LATS2: variants seen among roughly 807,000 people sequenced by gnomAD.
LATS2 encodes the protein serine/threonine-protein kinase LATS2.
Under a neutral mutation model 76.0 loss-of-function variants are expected in LATS2, and 24 were observed. The ratio of observed to expected loss-of-function variants is 0.32; its 90% CI spans 0.23 to 0.44. The LOEUF is 0.44. Among genes scored for constraint, LATS2 ranks in the 20% least tolerant of loss-of-function variants. The pLI is 1.00. For synonymous variants in LATS2, 692 were observed against 635.4 expected, an observed-to-expected ratio of 1.09 and a Z score of -1.34; for missense variants, 1,286 against 1,481.2, an observed-to-expected ratio of 0.87 and a Z score of 2.16.
intron 2 of LATS2, among the ~76,000 whole-genome samples, chr13:20,994,908 A>G (rs1377647741): frequency 1.3e-5 from 2 of 152,182 alleles, no homozygotes; most frequent in Admixed American, 1.3e-4. Flanking sequence ...TATAAAGATC[A>G]TCATTTAAGG....
At chr13:20,981,441 G>T (rs1869875941) in intron 6 of LATS2, 25 bp downstream of exon 6, 1 of 1,600,024 alleles carries the variant, frequency 6.2e-7, no homozygotes, top group Admixed American at 1.7e-5. Context: ...ACCTCCTGCG[G>T]GGTGGCTGGC....
At chr13:21,021,103 A>G (rs1247902177) in intron 2 of LATS2, among the ~76,000 whole-genome samples, 1 of 152,222 alleles carries the variant, frequency 6.6e-6, no homozygotes, top group East Asian at 1.9e-4. Flanking sequence ...GGTCACTGTC[A>G]AAACTGGTCA....
At chr13:21,003,457 T>C (rs1457958410) in intron 2 of LATS2, among the ~76,000 whole-genome samples, 1 of 143,148 alleles carries the variant, frequency 7.0e-6, no homozygotes, top group Admixed American at 6.9e-5. Context: ...TTTTTTTTTT[T>C]AAAGACAGAG....
intron 2 of LATS2, among the ~76,000 whole-genome samples, chr13:21,041,986 T>C (rs1872895255): frequency 6.6e-6 from 1 of 152,184 alleles, no homozygotes; most frequent in South Asian, 2.1e-4. Context: ...CAGAAATATT[T>C]TGCATATTTA....
chr13:21,008,042 A>T (rs1293439250), intron 2 of LATS2, among the ~76,000 whole-genome samples: 1 of 151,846 alleles, frequency 6.6e-6, no homozygotes, highest in East Asian at 1.9e-4. Flanking sequence ...CACAGGCGTG[A>T]GCCACCGTAC....
intron 1 of LATS2, among the ~76,000 whole-genome samples, chr13:21,047,594 A>C (rs1873118123): frequency 2.0e-5 from 3 of 152,192 alleles, no homozygotes; most frequent in Admixed American, 2.0e-4. Context: ...TGATCCAAAA[A>C]GAGTACCCTC....
In LATS2 at chr13:21,046,176, T is replaced by G. The variant is rs1873070485; in HGVS notation, c.-150A>C. ...ATGTTCTTTCCTTCCATTTTTGTAGTTCCTATAGAGAACCTAAAATTTTCC... is the reference window on the plus strand; with the variant it reads ...ATGTTCTTTCCTTCCATTTTTGTAGGTCCTATAGAGAACCTAAAATTTTCC... On this transcript the variant is annotated 5_prime_UTR_variant, in exon 2 of 8. Coordinates refer to ENST00000382592, the MANE Select transcript of LATS2 (RefSeq NM_014572.3). The G allele has an allele frequency of 3.2e-6, 2 of 627,594 alleles. No homozygotes were observed. The highest frequency in any genetic ancestry group is 3.3e-5 in the Admixed American group (1 of 30,230). 38.9% of individuals were successfully genotyped at this position (627,594 alleles called of 1,614,324 possible).
At chr13:21,036,853 AG>A (rs1167058300) in intron 2 of LATS2, among the ~76,000 whole-genome samples, 1 of 152,238 alleles carries the variant, frequency 6.6e-6, no homozygotes, top group East Asian at 1.9e-4. Context: ...TTTTAGTAGT[AG>A]TAGTGATAAT....
In LATS2 at chr13:20,988,225, G is replaced by A. The variant is rs1870265422; in HGVS notation, c.1555C>T (p.Pro519Ser). 17 of 1,608,318 alleles carry A rather than the reference G, an allele frequency of 1.1e-5. No homozygotes were observed. Among genetic ancestry groups the A allele is most frequent in the Non-Finnish European group, 1.4e-5 (16 of 1,179,376 alleles). Reference protein sequence around the residue: ...PDRRCPPPPYPKHLLLRSKSE... With the variant: ...PDRRCPPPPYSKHLLLRSKSE... ...TTGCTGCGCAGCAGCAGGTGCTTCG[G>A]GTAGGGCGGAGGCGGGCACCTCCGG... The change falls in exon 4 of 8, where the codon CCG becomes TCG. Residue 519 changes from proline to serine, a missense_variant. Pro to Ser is a moderately conservative substitution (Grantham distance 74). Coordinates refer to ENST00000382592, the MANE Select transcript of LATS2 (RefSeq NM_014572.3).
At position 20,988,931 on chromosome 13, in the gene LATS2, G is replaced by T. The variant is rs541177303; in HGVS notation, c.849C>A (p.Thr283=). 58 of 1,524,036 alleles carry T rather than the reference G, an allele frequency of 3.8e-5. No individual in the cohort carries two copies. The African/African-American group carries it at 6.7e-4, about 18-fold the overall frequency. The allele number at this position is 1,524,036 out of a possible 1,614,324, so 94.4% of individuals were successfully genotyped here. ...PSFQSKTPPE[T]GGYASLPTKG... ...TCGTGGGCAGGCTGGCGTAACCCCCGGTCTCCGGCGGCGTCTTGCTCTGGA... is the reference window on the plus strand; with the variant it reads ...TCGTGGGCAGGCTGGCGTAACCCCCTGTCTCCGGCGGCGTCTTGCTCTGGA... Residue 283 remains threonine, a synonymous_variant, in exon 4 of 8, where the codon ACC becomes ACA. Coordinates refer to ENST00000382592, the MANE Select transcript of LATS2 (RefSeq NM_014572.3).
intron 1 of LATS2, among the ~76,000 whole-genome samples, chr13:21,052,898 C>T (rs1343248091): frequency 6.6e-6 from 1 of 152,146 alleles, no homozygotes; most frequent in Non-Finnish European, 1.5e-5. Context: ...GGCACCGATG[C>T]TTCCTGTCCT....
intron 2 of LATS2, among the ~76,000 whole-genome samples, chr13:21,040,241 G>A (rs967109171): frequency 1.3e-5 from 2 of 151,966 alleles, no homozygotes; most frequent in African/African-American, 4.8e-5. Flanking sequence ...AGAAAAATTA[G>A]CCAGACATGG....
chr13:20,997,412 C>CT (rs1870803400), intron 2 of LATS2, among the ~76,000 whole-genome samples: 1 of 152,216 alleles, frequency 6.6e-6, no homozygotes. Context: ...AAAAGAGGCA[C>CT]TTTAACAAAA....
chr13:20,995,155 A>G (rs986166595), intron 2 of LATS2, among the ~76,000 whole-genome samples: 2 of 152,222 alleles, frequency 1.3e-5, no homozygotes, highest in Admixed American at 6.5e-5. Flanking sequence ...CATCAGCATC[A>G]CTTAAGGGTT....
intron 3 of LATS2, among the ~76,000 whole-genome samples, chr13:20,990,461 ATTTTTTTTTTTT>A (rs35074574): frequency 1.1e-5 from 1 of 94,534 alleles, no homozygotes; most frequent in African/African-American, 4.1e-5. Context: ...AATTACTAGG[ATTTTTTTTTTTT>A]TTTTTTTTTT....
chr13:21,060,743 G>T (rs1051409650), intron 1 of LATS2, among the ~76,000 whole-genome samples: 2 of 151,476 alleles, frequency 1.3e-5, no homozygotes, highest in East Asian at 1.9e-4. Context: ...GCGGGACGAC[G>T]GGGCGGCCGG....
chr13:20,973,894 C>G lies in LATS2; in HGVS notation c.*976G>C, dbSNP rs550580964. On this transcript the variant is annotated 3_prime_UTR_variant, in exon 8 of 8. Coordinates refer to ENST00000382592, the MANE Select transcript of LATS2 (RefSeq NM_014572.3). ...CGGACTACAGAAACGGACATGTGTCCGTGATTAAACTTTTTGGCATCGCTG... is the reference window on the plus strand; with the variant it reads ...CGGACTACAGAAACGGACATGTGTCGGTGATTAAACTTTTTGGCATCGCTG... 4.5e-6 allele frequency: 1 copy of G among 221,972 alleles called. No individual in the cohort carries two copies. 13.8% of individuals were successfully genotyped at this position (221,972 alleles called of 1,614,324 possible).
rs115615162 is a variant in LATS2 at position 20,988,622 on chromosome 13, C to T, written c.1158G>A (p.Leu386=). 1,217 of 1,588,842 alleles carry T rather than the reference C, an allele frequency of 7.7e-4. 12 individuals are homozygous for T. The African/African-American group carries it at 0.015, about 19-fold the overall frequency. The change falls in exon 4 of 8, where the codon CTG becomes CTA. Residue 386 remains leucine (L), a synonymous_variant. Coordinates refer to ENST00000382592, the MANE Select transcript of LATS2 (RefSeq NM_014572.3). ...ARRDSLQKPG[L]EAPPRAHVAF... ...CCACGTGCGCGCGCGGCGGCGCCTC[C>T]AGGCCCGGCTTCTGCAGGGAGTCCC...
chr13:21,003,291 G>C (rs1430373822), intron 2 of LATS2, among the ~76,000 whole-genome samples: 1 of 151,938 alleles, frequency 6.6e-6, no homozygotes, highest in Non-Finnish European at 1.5e-5. Context: ...CTATCGCTCA[G>C]AGTTCGGGCT....
Sources: gnomAD v4.1 joint callset for allele counts (sites outside exome capture counted in the v4.1 genomes callset) on GRCh38, gnomAD v4.1.1 for gene constraint, MANE v1.5 for transcripts, NCBI Gene and HGNC (gene_info 2026-07-23, HGNC 2026-07-21) for gene names.